Variants in FCHO1 observed in about 807,000 individuals in gnomAD.
FCHO1 encodes FCH and mu domain containing endocytic adaptor 1, also known as F-BAR domain only protein 1.
In FCHO1, 45 loss-of-function variants were observed where a neutral mutation model predicts 114.4. That is an observed-to-expected ratio of 0.39 (90% confidence interval 0.31 to 0.50). The LOEUF is 0.50. FCHO1 is among the 20% of genes least tolerant of loss of function. The pLI, the probability that FCHO1 is intolerant of heterozygous loss-of-function variation, is 0.77. For synonymous variants in FCHO1, 480 were observed against 488.9 expected, an observed-to-expected ratio of 0.98 and a Z score of 0.24; for missense variants, 1,042 against 1,209.6, an observed-to-expected ratio of 0.86 and a Z score of 2.06.
rs1030735312 is a variant in FCHO1, at chr19:17,784,559, G to T, written c.2227-166G>T. 3.3e-5 allele frequency among the ~76,000 whole-genome samples: 5 copies of T among 152,192 alleles called. No homozygotes were observed. The highest frequency in any genetic ancestry group is 5.9e-5 in the Non-Finnish European group (4 of 68,026). ...AGAATGAGGCGCTCTCCTGCCCCCT[G>T]CTGGAAACCTGGTGTAATACAGCCT... On this transcript the variant is annotated intron_variant, in intron 25 of 28. Transcript: ENST00000596536. This position sits in a 1 kb window ranked among gnomAD's most constrained non-coding sequence, Gnocchi z 5.3.
chr19:17,787,074 A>G (rs2093964854), intron 27 of FCHO1, among the ~76,000 whole-genome samples: 1 of 151,460 alleles, frequency 6.6e-6, no homozygotes, highest in African/African-American at 2.4e-5. Context: ...AAATATAAAA[A>G]TTAGCCGCGT....
intron 7 of FCHO1, among the ~76,000 whole-genome samples, chr19:17,768,013 G>A (rs2090009914): frequency 6.6e-6 from 1 of 152,166 alleles, no homozygotes; most frequent in East Asian, 1.9e-4. Flanking sequence ...TCCAAAATCT[G>A]CATGTTTTTA....
chr19:17,782,630 G>A (rs1036124103), intron 23 of FCHO1, among the ~76,000 whole-genome samples: 1 of 152,196 alleles, frequency 6.6e-6, no homozygotes, highest in Non-Finnish European at 1.5e-5. Context: ...TTAGGGACAA[G>A]CGGAGTGCAG....
chr19:17,768,242 G>A (rs911465579), intron 7 of FCHO1, among the ~76,000 whole-genome samples: 10 of 151,800 alleles, frequency 6.6e-5, no homozygotes, highest in African/African-American at 2.4e-4. Context: ...CTAATTTTTT[G>A]TATTTTTAGT....
Position 17,781,464 on chromosome 19 carries a change from A to T in FCHO1, c.1753A>T (p.Ser585Cys). 1 of 1,613,842 alleles carries T rather than the reference A, an allele frequency of 6.2e-7. No individual in the cohort carries two copies. Among genetic ancestry groups the T allele is most frequent in the Non-Finnish European group, 8.5e-7 (1 of 1,179,948 alleles). ...RSNGDLSRSL[S>C]PSPLGSSAAS... is the part of the protein sequence containing the mutation. ...CTTTCCCTTCCAGTCTCGTTCCCTG[A>T]GCCCCTCCCCACTGGGCTCTTCAGC... The change falls in exon 22 of 29, where the codon AGC becomes TGC. Residue 585 changes from serine to cysteine, a missense_variant. Around this residue, in one of 3 missense-constraint regions of FCHO1, gnomAD observed 455 missense variants for 455.4 expected, o/e 1.00. Transcript: ENST00000596536.
intron 4 of FCHO1, among the ~76,000 whole-genome samples, chr19:17,756,127 A>C (rs1415363724): frequency 6.6e-6 from 1 of 152,168 alleles, no homozygotes; most frequent in Non-Finnish European, 1.5e-5. Flanking sequence ...CCCTGGCAAC[A>C]AGCCCCACTC....
chr19:17,760,641 A>G (rs1263023189), intron 4 of FCHO1, among the ~76,000 whole-genome samples: 6 of 152,132 alleles, frequency 3.9e-5, no homozygotes, highest in African/African-American at 1.4e-4. Context: ...GAGCATTGAC[A>G]TGGATTATCT....
chr19:17,766,559 A>G, intron 6 of FCHO1, 110 bp from the exon 7 acceptor site: 1 of 1,378,668 alleles, frequency 7.3e-7, no homozygotes, highest in East Asian at 2.4e-5. Flanking sequence ...ATTAGTATTC[A>G]TTCATGTTTA....
rs2091322616 is a variant in FCHO1 at position 17,770,954 on chromosome 19, T to C, written c.594+58T>C. On this transcript the variant is annotated intron_variant, in intron 9 of 28. Transcript: ENST00000596536. ...ACACATGCCTTTGCCCTGGAGGTTATGGACTGCAGAAATCCCAGGCAGGGT... is the reference window on the plus strand; with the variant it reads ...ACACATGCCTTTGCCCTGGAGGTTACGGACTGCAGAAATCCCAGGCAGGGT... 6 of 1,465,118 alleles carry C rather than the reference T, an allele frequency of 4.1e-6. No individual in the cohort carries two copies. The South Asian group carries it at 4.6e-5, about 11-fold the overall frequency. The allele number at this position is 1,465,118 out of a possible 1,614,324, so 90.8% of individuals were successfully genotyped here. A position where few individuals can be genotyped will look rare whatever the true frequency, so the allele number is the denominator to read the frequency against.
intron 11 of FCHO1, among the ~76,000 whole-genome samples, chr19:17,773,735 C>G (rs1750255512): frequency 6.6e-6 from 1 of 152,108 alleles, no homozygotes; most frequent in African/African-American, 2.4e-5. Context: ...TGGAACCAGA[C>G]CAGCCCCTTG....
chr19:17,778,093 C>A, intron 18 of FCHO1, 44 bp from the exon 19 acceptor site: 1 of 1,478,092 alleles, frequency 6.8e-7, no homozygotes, highest in Non-Finnish European at 9.5e-7. Context: ...TGGGATGAGG[C>A]TTGGGAAAAA....
intron 20 of FCHO1, among the ~76,000 whole-genome samples, chr19:17,780,311 G>A (rs113941561): frequency 1.3e-3 from 196 of 152,114 alleles, no homozygotes; most frequent in African/African-American, 3.9e-3. Context: ...CTACAGGTGC[G>A]TACCGCCACA....
chr19:17,772,639 G>A lies in FCHO1; in HGVS notation c.694-6G>A. On this transcript the variant is annotated splice_polypyrimidine_tract_variant and splice_region_variant and intron_variant, in intron 10 of 28. Coordinates refer to ENST00000596536, the MANE Select transcript of FCHO1 (RefSeq NM_015122.3). ...ACCAGTTACACACCCCGCCCACCCG[G>A]CACAGGTGCATGAGGAATTTAAGCA... The A allele has an allele frequency of 1.2e-6, 2 of 1,614,042 alleles. No homozygotes were observed. The highest frequency in any genetic ancestry group is 2.2e-5 in the East Asian group (1 of 44,872).
At chr19:17,753,404 C>G (rs1054386680) in intron 1 of FCHO1, among the ~76,000 whole-genome samples, 2 of 152,164 alleles carry the variant, frequency 1.3e-5, no homozygotes, top group African/African-American at 4.8e-5. Context: ...CTTTAAAACC[C>G]CAACTCCCAT....
intron 28 of FCHO1, 138 bp downstream of exon 28, chr19:17,787,984 G>A (rs1307750362): frequency 4.5e-6 from 5 of 1,110,638 alleles, no homozygotes; most frequent in Non-Finnish European, 6.4e-6. Flanking sequence ...ACCCCAGATG[G>A]GGGGCACAGG....
chr19:17,750,955 C>A (rs1275917139), upstream of FCHO1, among the ~76,000 whole-genome samples: 1 of 151,912 alleles, frequency 6.6e-6, no homozygotes. Flanking sequence ...GATTCTCCTG[C>A]CTCAGCCTCC....
intron 7 of FCHO1, among the ~76,000 whole-genome samples, chr19:17,768,703 A>G (rs1361230609): frequency 1.1e-5 from 1 of 89,462 alleles, no homozygotes; most frequent in East Asian, 3.4e-4. Context: ...CAAAAACAAA[A>G]CAAGGCAAAA....
At chr19:17,772,108 A>ACC (rs1417345663) in intron 9 of FCHO1, among the ~76,000 whole-genome samples, 2 of 151,996 alleles carry the variant, frequency 1.3e-5, no homozygotes, top group Admixed American at 1.3e-4. Context: ...ACCACAGCTG[A>ACC]CCACTATTTC....
intron 20 of FCHO1, among the ~76,000 whole-genome samples, chr19:17,779,856 A>T (rs1408825145): frequency 2.0e-5 from 3 of 151,760 alleles, no homozygotes; most frequent in African/African-American, 7.3e-5. Flanking sequence ...CTCCTTGAAG[A>T]CGTCATCAAA....
Sources: allele counts gnomAD v4.1 joint callset (sites outside exome capture counted in the v4.1 genomes callset), GRCh38; gene constraint gnomAD v4.1.1; regional missense constraint gnomAD v4.1.1; non-coding constraint Gnocchi (gnomAD v3.1); transcripts MANE v1.5; gene names NCBI Gene and HGNC (gene_info 2026-07-23, HGNC 2026-07-21).